Variants in MED12L observed in about 807,000 individuals in gnomAD.
MED12L encodes the protein mediator of RNA polymerase II transcription subunit 12-like protein.
In MED12L, 60 loss-of-function variants were observed where a neutral mutation model predicts 281.3. The ratio of observed to expected loss-of-function variants is 0.21; its 90% confidence interval spans 0.17 to 0.26. The LOEUF is 0.26. MED12L is among the 10% of genes least tolerant of loss of function. The pLI, the probability that MED12L is intolerant of heterozygous loss-of-function variation, is 1.00. For synonymous variants in MED12L, 974 were observed against 987.2 expected (o/e 0.99, Z 0.25); for missense variants, 2,146 against 2,680.9 (o/e 0.80, Z 4.41).
chr3:151,240,000 G>A (rs147000588), intron 16 of MED12L, among the ~76,000 whole-genome samples: 5 of 151,042 alleles, frequency 3.3e-5, no homozygotes, highest in South Asian at 2.1e-4. Context: ...CCAGATGTGT[G>A]AATCAAACAG....
chr3:151,138,098 T>C (rs868648114), intron 5 of MED12L, among the ~76,000 whole-genome samples: 15 of 152,198 alleles, frequency 9.9e-5, no homozygotes, highest in Middle Eastern at 3.2e-3. Flanking sequence ...GCAAAAAATA[T>C]GCAAATACTT....
intron 2 of MED12L, among the ~76,000 whole-genome samples, chr3:151,103,236 C>T (rs1182237042): frequency 6.6e-6 from 1 of 152,060 alleles, no homozygotes; most frequent in East Asian, 1.9e-4. Context: ...CTGCAGTTTC[C>T]TAGATTTTTT....
chr3:151,215,430 A>G (rs1457108469), intron 16 of MED12L, among the ~76,000 whole-genome samples: 1 of 151,764 alleles, frequency 6.6e-6, no homozygotes, highest in East Asian at 1.9e-4. Context: ...CAAATGCTCT[A>G]TTAAATAAAA....
chr3:151,177,229 G>A (rs1188038395), intron 11 of MED12L, among the ~76,000 whole-genome samples: 1 of 152,222 alleles, frequency 6.6e-6, no homozygotes, highest in African/African-American at 2.4e-5. Context: ...GGGCAGCAGG[G>A]ATCCTGGGCC....
chr3:151,199,059 T>C (rs1278486741), intron 16 of MED12L: 1 of 1,614,074 alleles, frequency 6.2e-7, no homozygotes, highest in Admixed American at 1.7e-5. Flanking sequence ...CAGCGGTCAA[T>C]GCTGACAAAT....
chr3:151,349,852 CTT>C (rs112308445), intron 16 of MED12L, among the ~76,000 whole-genome samples: 2 of 139,658 alleles, frequency 1.4e-5, no homozygotes, highest in Non-Finnish European at 1.6e-5. Flanking sequence ...TCAGTTGACA[CTT>C]TTTTTTTTTT....
chr3:151,406,666 G>A (rs1716346133), intron 39 of MED12L, among the ~76,000 whole-genome samples: 2 of 151,908 alleles, frequency 1.3e-5, no homozygotes, highest in African/African-American at 4.8e-5. Flanking sequence ...ACCTGAACAT[G>A]GTATAAAACT....
chr3:151,163,131 T>G (rs1006608246), intron 8 of MED12L, among the ~76,000 whole-genome samples: 1 of 152,122 alleles, frequency 6.6e-6, no homozygotes, highest in African/African-American at 2.4e-5. Context: ...CGGCTCATAG[T>G]CCTCTTTGGT....
rs995093800 is a variant in MED12L at position 151,434,931 on chromosome 3, C to A, written c.*2127C>A. The A allele has an allele frequency of 2.0e-5, 3 of 152,106 alleles. No individual in the cohort carries two copies. The highest frequency in any genetic ancestry group is 7.2e-5 in the African/African-American group (3 of 41,424). 9.4% of individuals were successfully genotyped at this position (152,106 alleles called of 1,614,324 possible). A position where few individuals can be genotyped will look rare whatever the true frequency, so the allele number is the denominator to read the frequency against. Reference sequence around the variant, plus strand: ...TTTAGGTGAGGAAGTTATGCTACGACTCTAATTAATTCCACGATTCTATTG... The same window carrying A: ...TTTAGGTGAGGAAGTTATGCTACGAATCTAATTAATTCCACGATTCTATTG... On this transcript the variant is annotated 3_prime_UTR_variant, in exon 45 of 45. Transcript: ENST00000687756.
intron 16 of MED12L, among the ~76,000 whole-genome samples, chr3:151,229,700 C>T (rs546014969): frequency 1.3e-5 from 2 of 151,872 alleles, no homozygotes; most frequent in South Asian, 2.1e-4. Context: ...CTCCTGACCT[C>T]GTGATCCGCC....
intron 16 of MED12L, among the ~76,000 whole-genome samples, chr3:151,232,722 T>A (rs1226351885): frequency 6.6e-6 from 1 of 152,074 alleles, no homozygotes; most frequent in Non-Finnish European, 1.5e-5. Context: ...CACTTATAAG[T>A]GGGAGCTAAA....
At chr3:151,328,571 G>A (rs199623818) in intron 16 of MED12L, 146 of 1,613,448 alleles carry the variant, frequency 9.0e-5, no homozygotes, top group Non-Finnish European at 1.1e-4. Flanking sequence ...GATTGAGACC[G>A]TTTTTGCAAA....
At chr3:151,172,688 C>T (rs991033924) in intron 11 of MED12L, among the ~76,000 whole-genome samples, 2 of 152,206 alleles carry the variant, frequency 1.3e-5, no homozygotes, top group African/African-American at 4.8e-5. Flanking sequence ...GGAAAAAAGT[C>T]AGTTTCTAAA....
At chr3:151,141,187 G>GTT (rs76965310) in intron 5 of MED12L, among the ~76,000 whole-genome samples, 46 of 99,096 alleles carry the variant, frequency 4.6e-4, no homozygotes, top group Non-Finnish European at 6.7e-4. Flanking sequence ...TGTTTTTTTT[G>GTT]TTTTTTTTTT....
In MED12L at chr3:151,125,258, G is replaced by A. The variant is rs146071187; in HGVS notation, c.396+2284G>A. On this transcript the variant is annotated intron_variant, in intron 4 of 44. Coordinates refer to ENST00000687756, the MANE Select transcript of MED12L (RefSeq NM_001393769.1). ...CAAAATTATTAATATGTGTCTGGTC[G>A]GTCTGCTTTCTTAATTGAGTAACTT... Among the ~76,000 whole-genome samples, 342 of 152,186 alleles carry A rather than the reference G, an allele frequency of 2.2e-3. 1 individual carries two copies. Among genetic ancestry groups the A allele is most frequent in the African/African-American group, 7.4e-3 (309 of 41,520 alleles).
At chr3:151,104,098 C>T (rs940428581) in intron 2 of MED12L, among the ~76,000 whole-genome samples, 3 of 151,980 alleles carry the variant, frequency 2.0e-5, no homozygotes, top group Non-Finnish European at 4.4e-5. Flanking sequence ...TTTTGTTGGT[C>T]CCCACAGTTC....
At chr3:151,381,925 C>G (rs568084417) in intron 32 of MED12L, among the ~76,000 whole-genome samples, 2 of 152,168 alleles carry the variant, frequency 1.3e-5, no homozygotes, top group African/African-American at 4.8e-5. Context: ...TAAGATGACT[C>G]TCATTAATGA....
intron 16 of MED12L, among the ~76,000 whole-genome samples, chr3:151,205,095 G>A (rs1312909784): frequency 2.6e-5 from 4 of 152,178 alleles, no homozygotes; most frequent in Non-Finnish European, 5.9e-5. Context: ...GGAAATACAT[G>A]TAGTTTTCAT....
At chr3:151,216,436 C>T (rs1229653837) in intron 16 of MED12L, among the ~76,000 whole-genome samples, 4 of 152,190 alleles carry the variant, frequency 2.6e-5, no homozygotes, top group Non-Finnish European at 5.9e-5. Context: ...ATATGAAATA[C>T]AGTCACATTC....
Sources: gnomAD v4.1 joint callset for allele counts (sites outside exome capture counted in the v4.1 genomes callset) on GRCh38, gnomAD v4.1.1 for gene constraint, MANE v1.5 for transcripts, NCBI Gene and HGNC (gene_info 2026-07-23, HGNC 2026-07-21) for gene names.